The following NXPE4 variants were observed in gnomAD, a reference collection of about 807,000 sequenced individuals.
The protein encoded by NXPE4 is NXPE family member 4.
NXPE4 carries 42 observed loss-of-function variants against 33.3 expected under a neutral mutation model. That is an observed-to-expected ratio of 1.26 (90% CI 0.98 to 1.63). NXPE4 has a LOEUF of 1.63. Among genes scored for constraint, NXPE4 ranks in the 40% most tolerant of loss-of-function variants. The pLI, the probability that NXPE4 is intolerant of heterozygous loss-of-function variation, is 0.00. For missense variants in NXPE4, 709 were observed against 647.6 expected (o/e 1.09, Z -1.03); for synonymous variants, 253 against 234.9 (o/e 1.08, Z -0.71).
At chr11:114,662,432 T>C in the NXPE4 span, among the ~76,000 whole-genome samples, 1 of 152,168 alleles carries the variant, frequency 6.6e-6, no homozygotes, top group East Asian at 1.9e-4. Context: ...TAAAGTGCTA[T>C]AGGACTCTAA....
At chr11:114,671,328 A>G in the NXPE4 span, among the ~76,000 whole-genome samples, 3 of 38,390 alleles carry the variant, frequency 7.8e-5, no homozygotes, top group Admixed American at 1.2e-3. Flanking sequence ...TTGAAATGTA[A>G]TAGAGGAATT....
the NXPE4 span, among the ~76,000 whole-genome samples, chr11:114,659,850 C>T: frequency 6.6e-6 from 1 of 151,894 alleles, no homozygotes; most frequent in Non-Finnish European, 1.5e-5. Flanking sequence ...AAATTAAAAA[C>T]AGAAACAAAA....
At chr11:114,628,160 C>G in the NXPE4 span, among the ~76,000 whole-genome samples, 1 of 143,832 alleles carries the variant, frequency 7.0e-6, no homozygotes, top group Non-Finnish European at 1.5e-5. Context: ...CAGCTCTGCA[C>G]CAAGTGGACC....
chr11:114,576,861 CATT>C lies in NXPE4; in HGVS notation c.1099+3268_1099+3270del, dbSNP rs560881065. ...GGTATCTACCCAGAGGAAGAAAAGTCATTATACGAAAAAAATACTTGTACACAC... is the reference window on the plus strand; with the variant it reads ...GGTATCTACCCAGAGGAAGAAAAGTCATACGAAAAAAATACTTGTACACAC... On this transcript the variant is annotated intron_variant, in intron 5 of 5. Coordinates refer to ENST00000375478, the MANE Select transcript of NXPE4 (RefSeq NM_001077639.2). 5.6e-3 allele frequency among the ~76,000 whole-genome samples: 845 copies of C among 151,282 alleles called. 5 individuals are homozygous for C. The highest frequency in any genetic ancestry group is 0.01 in the Middle Eastern group (3 of 292).
chr11:114,572,707 G>A (rs905394953), intron 5 of NXPE4, among the ~76,000 whole-genome samples: 1 of 152,120 alleles, frequency 6.6e-6, no homozygotes, highest in Non-Finnish European at 1.5e-5. Flanking sequence ...CAAGAAGTTT[G>A]GGAGTATGCT....
chr11:114,608,224 A>T, the NXPE4 span, among the ~76,000 whole-genome samples: 3 of 149,714 alleles, frequency 2.0e-5, no homozygotes, highest in African/African-American at 7.4e-5. Context: ...GTGTTGCCTC[A>T]TGGGTAACAA....
chr11:114,664,327 G>T, the NXPE4 span, among the ~76,000 whole-genome samples: 1 of 152,122 alleles, frequency 6.6e-6, no homozygotes, highest in Non-Finnish European at 1.5e-5. Flanking sequence ...GGCTTGTAAA[G>T]GTCTGGGATT....
chr11:114,671,250 CAG>C, the NXPE4 span, among the ~76,000 whole-genome samples: 1 of 150,754 alleles, frequency 6.6e-6, no homozygotes, highest in Non-Finnish European at 1.5e-5. Context: ...GTCTAGAGAA[CAG>C]AGAGAAAAAT....
chr11:114,626,696 A>T, the NXPE4 span, among the ~76,000 whole-genome samples: 4 of 152,244 alleles, frequency 2.6e-5, no homozygotes, highest in Non-Finnish European at 5.9e-5. Context: ...AGCTGAGAGA[A>T]GGCTTCAGAC....
At chr11:114,584,967 A>C (rs1174651441) in intron 2 of NXPE4, among the ~76,000 whole-genome samples, 2 of 152,050 alleles carry the variant, frequency 1.3e-5, no homozygotes, top group Admixed American at 6.5e-5. Context: ...ACTTTTGTGC[A>C]AACAGAAGAC....
the NXPE4 span, among the ~76,000 whole-genome samples, chr11:114,634,963 A>G: frequency 1.3e-5 from 2 of 151,980 alleles, no homozygotes; most frequent in East Asian, 1.9e-4. Flanking sequence ...TTTTGGTTCC[A>G]TATGAACTTT....
chr11:114,575,525 G>A (rs1193208476), intron 5 of NXPE4, among the ~76,000 whole-genome samples: 1 of 151,940 alleles, frequency 6.6e-6, no homozygotes, highest in Non-Finnish European at 1.5e-5. Flanking sequence ...ACACAAATCA[G>A]TAGCTCTGCT....
the NXPE4 span, among the ~76,000 whole-genome samples, chr11:114,634,676 A>T: frequency 6.6e-6 from 1 of 152,120 alleles, no homozygotes; most frequent in Middle Eastern, 3.4e-3. Flanking sequence ...TCAGCTTTCT[A>T]CATATCGCTA....
At chr11:114,594,114 T>C (rs1464654727) in intron 2 of NXPE4, among the ~76,000 whole-genome samples, 1 of 152,116 alleles carries the variant, frequency 6.6e-6, no homozygotes, top group Non-Finnish European at 1.5e-5. Flanking sequence ...TAGCATTTGA[T>C]AGTATAACAG....
At position 114,580,250 on chromosome 11, in the gene NXPE4, A is replaced by G. The variant is rs771770297; in HGVS notation, c.981T>C (p.Pro327=). ...SGHVWRNTWN[P]VSCSLATVKM... ...TGACTGTAGCCAAACTACAGGAGAC[A>G]GGATTCCATGTGTTTCTCCAGACAT... The change falls in exon 5 of 6, where the codon CCT becomes CCC. Residue 327 remains proline (P), a synonymous_variant. Transcript: ENST00000375478. The G allele has an allele frequency of 6.2e-7, 1 of 1,614,046 alleles. No individual in the cohort carries two copies.
At chr11:114,639,752 A>T in the NXPE4 span, among the ~76,000 whole-genome samples, 1 of 129,872 alleles carries the variant, frequency 7.7e-6, no homozygotes, top group Non-Finnish European at 1.6e-5. Context: ...TATATAATAT[A>T]TATTATATTA....
chr11:114,618,241 C>T, the NXPE4 span, among the ~76,000 whole-genome samples: 1 of 151,938 alleles, frequency 6.6e-6, no homozygotes, highest in Non-Finnish European at 1.5e-5. Context: ...TAAGGATTGT[C>T]TTATGGGTAA....
the NXPE4 span, among the ~76,000 whole-genome samples, chr11:114,642,654 A>G: frequency 6.6e-6 from 1 of 151,968 alleles, no homozygotes; most frequent in Non-Finnish European, 1.5e-5. Context: ...TTCTTTATCC[A>G]GTCTATTATT....
chr11:114,584,904 C>T (rs1272584978), intron 2 of NXPE4, among the ~76,000 whole-genome samples: 1 of 152,166 alleles, frequency 6.6e-6, no homozygotes, highest in African/African-American at 2.4e-5. Flanking sequence ...ACCTATCCCT[C>T]TGCAGGTCTT....
Sources: allele counts gnomAD v4.1 joint callset (sites outside exome capture counted in the v4.1 genomes callset), GRCh38; gene constraint gnomAD v4.1.1; transcripts MANE v1.5; gene names NCBI Gene and HGNC (gene_info 2026-07-23, HGNC 2026-07-21).